GPSM2: variants seen among roughly 807,000 people sequenced by gnomAD.
The protein encoded by GPSM2 is G protein signaling modulator 2.
In GPSM2, 58 loss-of-function variants were observed where a neutral mutation model predicts 78.4. The observed-to-expected ratio is 0.74, with a 90% CI of 0.60 to 0.92. The LOEUF (loss-of-function observed/expected upper bound fraction) is 0.92. Among genes scored for constraint, GPSM2 ranks in the 40% least tolerant of loss-of-function variants. GPSM2 has a pLI of 0.00. For missense variants in GPSM2, 700 were observed against 815.5 expected (o/e 0.86, Z 1.73); for synonymous variants, 224 against 280.2 (o/e 0.80, Z 2.00).
intron 10 of GPSM2, among the ~76,000 whole-genome samples, chr1:108,911,061 A>C (rs1649700049): frequency 6.6e-6 from 1 of 152,168 alleles, no homozygotes; most frequent in South Asian, 2.1e-4. Context: ...CAGATTGGAG[A>C]AAGAATAAAA....
intron 2 of GPSM2, among the ~76,000 whole-genome samples, chr1:108,894,924 A>G (rs1648245468): frequency 6.6e-6 from 1 of 152,142 alleles, no homozygotes. Context: ...TTACAATCCC[A>G]TTTTAATTTA....
chr1:108,880,360 C>G (rs1665831029), intron 1 of GPSM2, among the ~76,000 whole-genome samples: 1 of 152,058 alleles, frequency 6.6e-6, no homozygotes, highest in Non-Finnish European at 1.5e-5. Context: ...TTTGAGGGGC[C>G]CAGGTGGGCG....
At chr1:108,895,882 A>G (rs900898601) in intron 2 of GPSM2, among the ~76,000 whole-genome samples, 1 of 152,258 alleles carries the variant, frequency 6.6e-6, no homozygotes, top group Non-Finnish European at 1.5e-5. Flanking sequence ...TTGTATTAGA[A>G]TATACATATA....
chr1:108,919,788 T>C (rs544449585), intron 12 of GPSM2, among the ~76,000 whole-genome samples: 71 of 152,300 alleles, frequency 4.7e-4, no homozygotes, highest in African/African-American at 1.7e-3. Context: ...TGATAATCAG[T>C]ATCAGGGAAA....
rs397517232 is a variant in GPSM2, at chr1:108,898,073, G to T, written c.529G>T (p.Ala177Ser). The change falls in exon 5 of 15, where the codon GCT (alanine) becomes TCT (serine). Residue 177 changes from alanine (A) to serine (S), a missense_variant. Transcript: ENST00000264126. ...VGEFPEEVRD[A>S]LQAAVDFYEE... ...AGAATTTCCAGAAGAAGTGAGAGAT[G>T]CTCTGCAGGCAGCCGTGGATTTTTA... 7 of 1,613,960 alleles carry T rather than the reference G, an allele frequency of 4.3e-6. No individual in the cohort carries two copies. Among genetic ancestry groups the T allele is most frequent in the Non-Finnish European group, 5.9e-6 (7 of 1,179,946 alleles).
intron 2 of GPSM2, among the ~76,000 whole-genome samples, chr1:108,890,659 C>G (rs1647901655): frequency 6.6e-6 from 1 of 152,176 alleles, no homozygotes; most frequent in Admixed American, 6.5e-5. Context: ...TATTCTTCTG[C>G]TATAGTAAAT....
chr1:108,914,215 T>A, intron 10 of GPSM2, 123 bp from the exon 11 acceptor site: 1 of 677,750 alleles, frequency 1.5e-6, no homozygotes, highest in African/African-American at 1.8e-5. Flanking sequence ...TACATATTTG[T>A]ACAGGTTTTC....
intron 10 of GPSM2, among the ~76,000 whole-genome samples, chr1:108,910,586 C>T (rs577679953): frequency 3.5e-4 from 53 of 152,178 alleles, no homozygotes; most frequent in African/African-American, 1.3e-3. Flanking sequence ...AACGGGGAGC[C>T]GGGCGCAGTG....
In GPSM2 at chr1:108,933,956, A is replaced by G. The variant is rs367772889; in HGVS notation, c.*4016A>G. 6.6e-5 allele frequency: 10 copies of G among 152,368 alleles called. No homozygotes were observed. Among genetic ancestry groups the G allele is most frequent in the African/African-American group, 2.4e-4 (10 of 41,600 alleles). 9.4% of individuals were successfully genotyped at this position (152,368 alleles called of 1,614,324 possible). ...GAGTAACACAAAAAATAGGTTTTAT[A>G]AAAAGCCCATGCACTTCAATTGGTG... is the stretch of plus-strand genomic sequence containing the variant. On this transcript the variant is annotated 3_prime_UTR_variant, in exon 15 of 15. Transcript: ENST00000264126.
Position 108,934,489 on chromosome 1 carries a change from A to G in GPSM2, c.*4549A>G, listed in dbSNP as rs887608917. ...AAGATGAAATGAAAAGCTTTTACAT[A>G]TATAACGTGTTTGTTAATTCTAATT... On this transcript the variant is annotated 3_prime_UTR_variant, in exon 15 of 15. Transcript: ENST00000264126. The G allele has an allele frequency of 4.7e-6, 3 of 644,660 alleles. No individual in the cohort carries two copies. Among genetic ancestry groups the G allele is most frequent in the Admixed American group, 3.0e-5 (1 of 33,374 alleles). The allele number at this position is 644,660 out of a possible 1,614,324, so 39.9% of individuals were successfully genotyped here.
chr1:108,931,536 A>T lies in GPSM2; in HGVS notation c.*1596A>T. 1 of 1,512,938 alleles carries T rather than the reference A, an allele frequency of 6.6e-7. No homozygotes were observed. The highest frequency in any genetic ancestry group is 8.9e-7 in the Non-Finnish European group (1 of 1,125,620). The allele number at this position is 1,512,938 out of a possible 1,614,324, so 93.7% of individuals were successfully genotyped here. ...CCCCTATTCTTTCAAAAAGTCATTCAGGTGATTTGGATGGGCAAATAGAAC... is the reference window on the plus strand; with the variant it reads ...CCCCTATTCTTTCAAAAAGTCATTCTGGTGATTTGGATGGGCAAATAGAAC... On this transcript the variant is annotated 3_prime_UTR_variant, in exon 15 of 15. Coordinates refer to ENST00000264126, the MANE Select transcript of GPSM2 (RefSeq NM_013296.5).
chr1:108,902,249 C>T (rs766909298), intron 8 of GPSM2, among the ~76,000 whole-genome samples: 10 of 151,972 alleles, frequency 6.6e-5, no homozygotes, highest in Non-Finnish European at 1.2e-4. Context: ...GGTGTGGTGG[C>T]GCACGCTTGT....
In GPSM2 at chr1:108,904,221, T is replaced by C; in HGVS notation, c.1159T>C (p.Ser387Pro). 6.2e-7 allele frequency: 1 copy of C among 1,600,870 alleles called. No homozygotes were observed. The highest frequency in any genetic ancestry group is 8.6e-7 in the Non-Finnish European group (1 of 1,168,896). Residue 387 changes from serine to proline, a missense_variant, in exon 10 of 15, where the codon TCT becomes CCT. Physicochemically the swap from Ser to Pro is moderately conservative, Grantham distance 74. Transcript: ENST00000264126. ...LSYSTNNSIM[S>P]ENTEIDSSLN... ...CTACAGCACAAATAACTCCATAATG[T>C]CTGAAAATACTGAAATTGATAGCAG...
intron 10 of GPSM2, among the ~76,000 whole-genome samples, chr1:108,912,560 T>C (rs1405375990): frequency 7.2e-6 from 1 of 139,690 alleles, no homozygotes; most frequent in Non-Finnish European, 1.5e-5. Context: ...CTGGGCAACA[T>C]AGGACCCCTG....
chr1:108,896,072 A>C (rs952463027), intron 2 of GPSM2, among the ~76,000 whole-genome samples: 76 of 152,160 alleles, frequency 5.0e-4, no homozygotes. Context: ...AAGAAACACA[A>C]TGGCAACTTT....
intron 11 of GPSM2, among the ~76,000 whole-genome samples, chr1:108,917,221 T>C (rs1053615342): frequency 1.3e-5 from 2 of 152,124 alleles, no homozygotes; most frequent in Non-Finnish European, 2.9e-5. Context: ...CCTTATAACC[T>C]GTATGTGAAA....
intron 11 of GPSM2, 22 bp downstream of exon 11, chr1:108,914,430 T>G: frequency 6.9e-7 from 1 of 1,446,442 alleles, no homozygotes; most frequent in Non-Finnish European, 9.7e-7. Flanking sequence ...GTTTTATGTT[T>G]TAAATTTCAT....
In GPSM2 at chr1:108,931,353, T is replaced by C; in HGVS notation, c.*1413T>C. The C allele has an allele frequency of 7.8e-6, 12 of 1,547,470 alleles. No homozygotes were observed. Among genetic ancestry groups the C allele is most frequent in the Non-Finnish European group, 1.0e-5 (12 of 1,146,874 alleles). ...TACAAGGGGATGATAACAAAGTAAC[T>C]AACTAACTGTAGCAAAAGACAAGTA... On this transcript the variant is annotated 3_prime_UTR_variant, in exon 15 of 15. Coordinates refer to ENST00000264126, the MANE Select transcript of GPSM2 (RefSeq NM_013296.5).
chr1:108,907,127 G>A (rs1475875147), intron 10 of GPSM2, among the ~76,000 whole-genome samples: 2 of 152,180 alleles, frequency 1.3e-5, no homozygotes, highest in Non-Finnish European at 2.9e-5. Flanking sequence ...CACTCTGGCT[G>A]TATGAAGACA....
Sources: allele counts gnomAD v4.1 joint callset (sites outside exome capture counted in the v4.1 genomes callset), GRCh38; gene constraint gnomAD v4.1.1; transcripts MANE v1.5; gene names NCBI Gene and HGNC (gene_info 2026-07-23, HGNC 2026-07-21).